The following CFAP96 variants were observed in gnomAD, a reference collection of about 807,000 sequenced individuals.
CFAP96 encodes cilia-and flagella-associated protein 96.
the CFAP96 span, among the ~76,000 whole-genome samples, chr4:185,430,983 G>A: frequency 0.86 from 130,223 of 151,740 alleles, 56,577 homozygotes; most frequent in East Asian, 0.99. Flanking sequence ...AGGCTGAGGT[G>A]GGTGGATCAC....
the CFAP96 span, chr4:185,440,486 T>C: frequency 8.9e-7 from 1 of 1,120,986 alleles, no homozygotes; most frequent in Non-Finnish European, 1.2e-6. Flanking sequence ...AACTCTGGGT[T>C]ATTTTCAATT....
the CFAP96 span, among the ~76,000 whole-genome samples, chr4:185,439,986 A>C: frequency 1.8e-5 from 2 of 111,098 alleles, no homozygotes; most frequent in South Asian, 6.7e-4. Flanking sequence ...TGTATATGTG[A>C]GATATATACA....
the CFAP96 span, among the ~76,000 whole-genome samples, chr4:185,432,542 G>A: frequency 6.6e-6 from 1 of 152,086 alleles, no homozygotes; most frequent in Non-Finnish European, 1.5e-5. Flanking sequence ...GCCCCTGACT[G>A]TTTTTTCTGC....
the CFAP96 span, among the ~76,000 whole-genome samples, chr4:185,438,213 A>G: frequency 5.9e-5 from 9 of 152,020 alleles, no homozygotes; most frequent in Non-Finnish European, 1.3e-4. Flanking sequence ...TTCCAGTTAC[A>G]TGTGCATTAG....
At chr4:185,418,657 T>G in the CFAP96 span, 2 of 1,613,944 alleles carry the variant, frequency 1.2e-6, no homozygotes, top group Non-Finnish European at 1.7e-6. Context: ...TTTATGTCAC[T>G]GCTAGGCCAT....
chr4:185,436,159 C>T, the CFAP96 span: 179 of 1,550,666 alleles, frequency 1.2e-4, no homozygotes, highest in Non-Finnish European at 1.4e-4. Context: ...TACACAAACC[C>T]GGGAAAGAAA....
At chr4:185,430,370 A>G in the CFAP96 span, among the ~76,000 whole-genome samples, 1 of 152,224 alleles carries the variant, frequency 6.6e-6, no homozygotes, top group Non-Finnish European at 1.5e-5. Flanking sequence ...AAGGTGCAGA[A>G]TAGTCTATAT....
chr4:185,410,125 A>G, the CFAP96 span, among the ~76,000 whole-genome samples: 1 of 152,220 alleles, frequency 6.6e-6, no homozygotes, highest in Non-Finnish European at 1.5e-5. Context: ...CCAGGAGGCA[A>G]GAGTCAGAAA....
the CFAP96 span, chr4:185,415,215 AT>A: frequency 5.0e-6 from 8 of 1,607,044 alleles, no homozygotes; most frequent in East Asian, 4.5e-5. Context: ...TTGTTACAAG[AT>A]TTTTTTTCCC....
At chr4:185,431,929 C>G in the CFAP96 span, 5 of 1,336,006 alleles carry the variant, frequency 3.7e-6, no homozygotes, top group Admixed American at 1.2e-4. Flanking sequence ...TTTTTCATGT[C>G]CTTTAATTGC....
chr4:185,437,714 T>C, the CFAP96 span, among the ~76,000 whole-genome samples: 1,031 of 152,296 alleles, frequency 6.8e-3, 7 homozygotes, highest in African/African-American at 0.023. Flanking sequence ...TTATAGTGGC[T>C]CTGTAATTAA....
chr4:185,426,025 C>T, the CFAP96 span: 1 of 783,430 alleles, frequency 1.3e-6, no homozygotes, highest in Non-Finnish European at 2.1e-6. Flanking sequence ...GAGCGTACCA[C>T]ACCGCAGTCC....
the CFAP96 span, chr4:185,429,576 A>T: frequency 1.1e-6 from 1 of 880,400 alleles, no homozygotes; most frequent in Non-Finnish European, 1.7e-6. Context: ...TTTAGAATTT[A>T]ATATTTAAGT....
At chr4:185,436,067 T>C in the CFAP96 span, 1 of 1,548,226 alleles carries the variant, frequency 6.5e-7, no homozygotes, top group Non-Finnish European at 8.7e-7. Flanking sequence ...GAAGCTACTA[T>C]GGAACAATAG....
chr4:185,413,910 T>C, the CFAP96 span: 699 of 1,546,284 alleles, frequency 4.5e-4, 1 homozygote, highest in Admixed American at 7.5e-4. Context: ...AGAAAAAATG[T>C]TGGTGATTTA....
chr4:185,434,615 GA>G, the CFAP96 span, among the ~76,000 whole-genome samples: 1 of 152,080 alleles, frequency 6.6e-6, no homozygotes, highest in African/African-American at 2.4e-5. Context: ...ATAGATATGT[GA>G]AAAACATCTA....
chr4:185,428,296 G>A, the CFAP96 span, among the ~76,000 whole-genome samples: 19 of 151,948 alleles, frequency 1.3e-4, no homozygotes, highest in South Asian at 1.7e-3. Context: ...ATTTCTGGCC[G>A]GGCGCGGTGG....
the CFAP96 span, chr4:185,415,429 G>A: frequency 0.91 from 1,117,907 of 1,231,066 alleles, 507,989 homozygotes; most frequent in East Asian, 0.98. Context: ...TATATCCTTA[G>A]TATAGTAAAA....
chr4:185,420,058 A>C, the CFAP96 span, among the ~76,000 whole-genome samples: 1 of 152,204 alleles, frequency 6.6e-6, no homozygotes, highest in East Asian at 1.9e-4. Context: ...TTACTATTAA[A>C]ATAATGTATT....
Sources: allele counts gnomAD v4.1 joint callset (sites outside exome capture counted in the v4.1 genomes callset), GRCh38; gene constraint gnomAD v4.1.1; transcripts MANE v1.5; gene names NCBI Gene and HGNC (gene_info 2026-07-23, HGNC 2026-07-21).